NBAS: variants seen among roughly 807,000 people sequenced by gnomAD.
NBAS encodes the protein NAG/BC035112 fusion.
Under a neutral mutation model 302.5 loss-of-function variants are expected in NBAS, and 219 were observed. The ratio of observed to expected loss-of-function variants is 0.72; its 90% CI spans 0.65 to 0.81. The LOEUF (loss-of-function observed/expected upper bound fraction) is 0.81. Ranked by LOEUF, NBAS falls within the 30% of genes least tolerant of loss-of-function variation. NBAS has a pLI of 0.00. For missense variants in NBAS, 2,932 were observed against 2,841.6 expected (o/e 1.03, Z -0.72); for synonymous variants, 1,118 against 1,021.6 (o/e 1.09, Z -1.80).
the NBAS span, among the ~76,000 whole-genome samples, chr2:14,846,945 G>A: frequency 1.3e-5 from 2 of 151,898 alleles, no homozygotes; most frequent in African/African-American, 4.8e-5. Context: ...TAGCAAAAAG[G>A]CAAGAATAAG....
the NBAS span, among the ~76,000 whole-genome samples, chr2:14,975,483 C>T: frequency 3.2e-3 from 492 of 152,324 alleles, 1 homozygote; most frequent in Non-Finnish European, 5.5e-3. Context: ...TTCTTATTCA[C>T]ATGACAGCTC....
chr2:15,532,312 AC>A (rs1166434490), intron 9 of NBAS, among the ~76,000 whole-genome samples: 1 of 151,680 alleles, frequency 6.6e-6, no homozygotes, highest in Non-Finnish European at 1.5e-5. Flanking sequence ...ACATGGTGAA[AC>A]CCCGTCTCTA....
chr2:15,231,120 T>C (rs1224049811), intron 47 of NBAS, among the ~76,000 whole-genome samples: 1 of 152,200 alleles, frequency 6.6e-6, no homozygotes, highest in Non-Finnish European at 1.5e-5. Context: ...TTGTTTCTTA[T>C]CCATATGACT....
chr2:15,525,757 T>C (rs925243058), intron 9 of NBAS, among the ~76,000 whole-genome samples: 14 of 152,122 alleles, frequency 9.2e-5, no homozygotes, highest in African/African-American at 3.4e-4. Flanking sequence ...CAAGGAAATA[T>C]TGGAAATACA....
chr2:15,083,070 A>G, the NBAS span, among the ~76,000 whole-genome samples: 3 of 152,216 alleles, frequency 2.0e-5, no homozygotes, highest in African/African-American at 7.2e-5. Context: ...CTGGCAGTTA[A>G]TTAGGAGGAA....
the NBAS span, among the ~76,000 whole-genome samples, chr2:15,019,278 T>G: frequency 2.9e-4 from 44 of 152,286 alleles, no homozygotes; most frequent in African/African-American, 1.0e-3. Flanking sequence ...AATGCTGAAA[T>G]TGTAGAAATT....
chr2:15,398,627 T>C (rs1019896122), intron 26 of NBAS, among the ~76,000 whole-genome samples: 4 of 152,146 alleles, frequency 2.6e-5, no homozygotes, highest in African/African-American at 9.7e-5. Context: ...TGATTGCTCA[T>C]TTCTCAAATA....
At position 15,281,085 on chromosome 2, in the gene NBAS, A is replaced by AT. The variant is rs1440626122; in HGVS notation, c.5139-3985_5139-3984insA. Among the ~76,000 whole-genome samples, 4 of 152,196 alleles carry AT rather than the reference A, an allele frequency of 2.6e-5. No homozygotes were observed. The East Asian group carries it at 7.7e-4, about 29-fold the overall frequency. On this transcript the variant is annotated intron_variant, in intron 42 of 51. Transcript: ENST00000281513. ...CCAGGGAGTTGATGAGAGAATCAAT[A>AT]AAGAGTGTCTTAGAGTCTATTTCTC...
At chr2:15,504,899 T>C (rs1015250116) in intron 10 of NBAS, among the ~76,000 whole-genome samples, 1 of 152,104 alleles carries the variant, frequency 6.6e-6, no homozygotes, top group Non-Finnish European at 1.5e-5. Context: ...TTCAAACAAA[T>C]ATTTGTACAT....
intron 6 of NBAS, among the ~76,000 whole-genome samples, chr2:15,549,256 G>C (rs1664261065): frequency 1.3e-5 from 2 of 152,142 alleles, no homozygotes; most frequent in Admixed American, 1.3e-4. Context: ...GATGTGAAGG[G>C]TTACCTGCTA....
chr2:14,938,423 G>A, the NBAS span, among the ~76,000 whole-genome samples: 1 of 152,190 alleles, frequency 6.6e-6, no homozygotes, highest in Non-Finnish European at 1.5e-5. Flanking sequence ...AAAATTAAAT[G>A]ATGTCAAAAC....
chr2:15,391,313 C>T (rs1283995317), intron 28 of NBAS, among the ~76,000 whole-genome samples: 1 of 151,318 alleles, frequency 6.6e-6, no homozygotes, highest in Non-Finnish European at 1.5e-5. Flanking sequence ...CACTGTTTAA[C>T]ATACGTTCAA....
chr2:14,921,347 T>C, the NBAS span, among the ~76,000 whole-genome samples: 1 of 152,064 alleles, frequency 6.6e-6, no homozygotes, highest in African/African-American at 2.4e-5. Context: ...CAATAACAGA[T>C]ATAATCATAA....
At chr2:15,457,883 G>T (rs1019647907) in intron 21 of NBAS, among the ~76,000 whole-genome samples, 8 of 152,194 alleles carry the variant, frequency 5.3e-5, no homozygotes, top group African/African-American at 1.7e-4. Flanking sequence ...TGTCCTTAAC[G>T]ATGGGTTGAA....
At chr2:15,432,463 C>G (rs892948911) in intron 21 of NBAS, among the ~76,000 whole-genome samples, 5 of 152,090 alleles carry the variant, frequency 3.3e-5, no homozygotes, top group African/African-American at 1.2e-4. Context: ...ATTAATATAA[C>G]AAGTTCTATT....
the NBAS span, among the ~76,000 whole-genome samples, chr2:14,788,379 T>C: frequency 6.6e-6 from 1 of 152,194 alleles, no homozygotes; most frequent in South Asian, 2.1e-4. Flanking sequence ...TGCATTCCTT[T>C]GGAGGAGGAG....
the NBAS span, among the ~76,000 whole-genome samples, chr2:14,825,435 G>T: frequency 1.3e-5 from 2 of 152,182 alleles, no homozygotes; most frequent in Non-Finnish European, 2.9e-5. Context: ...TCTCTAGACA[G>T]AAAATTTCAC....
At chr2:14,784,790 T>C in the NBAS span, among the ~76,000 whole-genome samples, 1 of 152,226 alleles carries the variant, frequency 6.6e-6, no homozygotes, top group African/African-American at 2.4e-5. Context: ...TAGGATTGAC[T>C]TGGCGATGCA....
chr2:14,804,537 A>G, the NBAS span, among the ~76,000 whole-genome samples: 7 of 152,230 alleles, frequency 4.6e-5, no homozygotes, highest in Admixed American at 6.5e-5. Context: ...ATTAGTTGGG[A>G]AAAATATTGT....
Sources: allele counts gnomAD v4.1 joint callset (sites outside exome capture counted in the v4.1 genomes callset), GRCh38; gene constraint gnomAD v4.1.1; transcripts MANE v1.5; gene names NCBI Gene and HGNC (gene_info 2026-07-23, HGNC 2026-07-21).